The following TMCO4 variants were observed in gnomAD, a reference collection of about 807,000 sequenced individuals.
The protein encoded by TMCO4 is transmembrane and coiled-coil domains 4, also known as transmembrane and coiled-coil domain-containing protein 4.
Under a neutral mutation model 64.7 loss-of-function variants are expected in TMCO4, and 58 were observed. The observed-to-expected ratio is 0.90, with a 90% CI of 0.73 to 1.12. The LOEUF (loss-of-function observed/expected upper bound fraction) is 1.12. Among genes scored for constraint, TMCO4 ranks in the 50% most tolerant of loss-of-function variants. The pLI is 0.00. For synonymous variants in TMCO4, 325 were observed against 346.1 expected (o/e 0.94, Z 0.68); for missense variants, 780 against 825.9 (o/e 0.94, Z 0.68).
intron 15 of TMCO4, among the ~76,000 whole-genome samples, chr1:19,688,073 A>G (rs1337541472): frequency 6.6e-6 from 1 of 152,196 alleles, no homozygotes; most frequent in African/African-American, 2.4e-5. Context: ...ACCATCTCCC[A>G]GGCTGTCTTG....
chr1:19,745,711 G>T, intron 9 of TMCO4, 60 bp from the exon 10 acceptor site: 1 of 1,549,066 alleles, frequency 6.5e-7, no homozygotes. Flanking sequence ...GAACATCAGG[G>T]TGGCTGTATG....
intron 15 of TMCO4, among the ~76,000 whole-genome samples, chr1:19,683,703 G>A (rs2095122561): frequency 1.3e-5 from 2 of 151,204 alleles, no homozygotes; most frequent in South Asian, 4.2e-4. Flanking sequence ...GGGGCAGGAA[G>A]GAATCTCCTG....
chr1:19,715,760 T>G (rs1024119632), intron 13 of TMCO4, among the ~76,000 whole-genome samples: 2 of 152,160 alleles, frequency 1.3e-5, no homozygotes, highest in African/African-American at 2.4e-5. Flanking sequence ...TCTATGAAAG[T>G]GTGCACACCA....
chr1:19,765,221 C>T (rs988581794), intron 6 of TMCO4, among the ~76,000 whole-genome samples: 1 of 152,160 alleles, frequency 6.6e-6, no homozygotes, highest in Non-Finnish European at 1.5e-5. Flanking sequence ...TCCTGGGCTA[C>T]TCACTTAACC....
chr1:19,764,886 CCAG>C (rs889685084), intron 6 of TMCO4, among the ~76,000 whole-genome samples: 4 of 150,478 alleles, frequency 2.7e-5, no homozygotes, highest in African/African-American at 7.3e-5. Flanking sequence ...GATGGAGAAC[CCAG>C]CAGCCAGGTG....
intron 3 of TMCO4, among the ~76,000 whole-genome samples, chr1:19,784,260 G>A (rs1209350140): frequency 6.6e-6 from 1 of 152,212 alleles, no homozygotes; most frequent in Non-Finnish European, 1.5e-5. Context: ...CAGGCTGGGC[G>A]CGGTAGCTCA....
Position 19,693,164 on chromosome 1 carries a change from CA to C in TMCO4, c.1500+1269del, listed in dbSNP as rs57031243. ...CTCCAGCCTGAGCGAGACCCCATCT[CA>C]AAAAAAAAAAAAAAAAAAAAAAAAA... On this transcript the variant is annotated intron_variant, in intron 15 of 15. Coordinates refer to ENST00000294543, the MANE Select transcript of TMCO4 (RefSeq NM_181719.7). 2.9e-3 allele frequency among the ~76,000 whole-genome samples: 57 copies of C among 19,978 alleles called. 3 individuals are homozygous for C. The highest frequency in any genetic ancestry group is 5.8e-3 in the Admixed American group (7 of 1,204). 13.1% of individuals were successfully genotyped at this position (19,978 alleles called of 152,430 possible).
rs140918353 is a variant in TMCO4, at chr1:19,733,351, T to A, written c.1264+4021A>T. 8.2e-3 allele frequency among the ~76,000 whole-genome samples: 1,254 copies of A among 152,318 alleles called. 13 individuals carry two copies. The highest frequency in any genetic ancestry group is 0.029 in the African/African-American group (1,195 of 41,562). On this transcript the variant is annotated intron_variant, in intron 13 of 15. Coordinates refer to ENST00000294543, the MANE Select transcript of TMCO4 (RefSeq NM_181719.7). ...GGACTCCCTTCTACCCTCAAATGTT[T>A]GTCTACATCTGTGCCAAGCACTGGG...
intron 13 of TMCO4, among the ~76,000 whole-genome samples, chr1:19,720,538 G>A (rs1283709954): frequency 2.0e-5 from 3 of 152,166 alleles, no homozygotes; most frequent in Admixed American, 2.0e-4. Flanking sequence ...TTTTCTCTGG[G>A]TCCTAATGTT....
intron 7 of TMCO4, chr1:19,750,052 G>A (rs890515723): frequency 6.6e-6 from 1 of 152,196 alleles, no homozygotes; most frequent in African/African-American, 2.4e-5. Context: ...ATGAGACAGA[G>A]ACACTGAGAC....
chr1:19,795,626 A>ATTAT (rs1201925378), intron 2 of TMCO4, among the ~76,000 whole-genome samples: 1 of 152,168 alleles, frequency 6.6e-6, no homozygotes, highest in Non-Finnish European at 1.5e-5. Flanking sequence ...GGTGGGTGCT[A>ATTAT]TTATCACCCT....
chr1:19,692,661 C>T (rs1026293795), intron 15 of TMCO4, among the ~76,000 whole-genome samples: 4 of 151,102 alleles, frequency 2.6e-5, no homozygotes, highest in South Asian at 4.2e-4. Flanking sequence ...GCAGGAGAAT[C>T]GCTTGAACCT....
At chr1:19,705,157 T>G (rs951615628) in intron 13 of TMCO4, among the ~76,000 whole-genome samples, 2 of 152,092 alleles carry the variant, frequency 1.3e-5, no homozygotes, top group Non-Finnish European at 2.9e-5. Context: ...ACACATAAAA[T>G]ACACTAACAC....
At chr1:19,730,734 C>A (rs939012682) in intron 13 of TMCO4, among the ~76,000 whole-genome samples, 35 of 152,170 alleles carry the variant, frequency 2.3e-4, no homozygotes, top group African/African-American at 8.4e-4. Flanking sequence ...ATTCTACAGG[C>A]AGCTTTTCCT....
intron 13 of TMCO4, among the ~76,000 whole-genome samples, chr1:19,721,233 C>T (rs149023875): frequency 6.6e-6 from 1 of 152,178 alleles, no homozygotes; most frequent in Non-Finnish European, 1.5e-5. Context: ...GAGACTCAGA[C>T]AGCCATCAGG....
chr1:19,797,551 A>C (rs973717957), intron 2 of TMCO4, among the ~76,000 whole-genome samples: 2 of 152,038 alleles, frequency 1.3e-5, no homozygotes, highest in Non-Finnish European at 2.9e-5. Flanking sequence ...TCCATGTAAA[A>C]GGTTTTTTCT....
intron 7 of TMCO4, among the ~76,000 whole-genome samples, chr1:19,748,046 A>G (rs2100893357): frequency 6.6e-6 from 1 of 152,356 alleles, no homozygotes; most frequent in African/African-American, 2.4e-5. Context: ...GGCTTCTTAT[A>G]TCTCAGCCAC....
intron 15 of TMCO4, among the ~76,000 whole-genome samples, chr1:19,684,791 T>C (rs1302750244): frequency 6.6e-6 from 1 of 152,206 alleles, no homozygotes; most frequent in African/African-American, 2.4e-5. Flanking sequence ...GTGGTGTTCC[T>C]TGGAATTCTC....
intron 8 of TMCO4, among the ~76,000 whole-genome samples, chr1:19,746,856 G>A (rs534419757): frequency 2.2e-3 from 339 of 150,798 alleles, no homozygotes; most frequent in Non-Finnish European, 3.6e-3. Flanking sequence ...CCTCGGAGGC[G>A]GAGCTTGCAG....
Sources: gnomAD v4.1 joint callset for allele counts (sites outside exome capture counted in the v4.1 genomes callset) on GRCh38, gnomAD v4.1.1 for gene constraint, MANE v1.5 for transcripts, NCBI Gene and HGNC (gene_info 2026-07-23, HGNC 2026-07-21) for gene names.